Variants in ERICH2 observed in about 807,000 individuals in gnomAD.
ERICH2 encodes the protein glutamate rich 2, also known as glutamate-rich protein 2.
In ERICH2, 17 loss-of-function variants were observed where a neutral mutation model predicts 17.4. That is an observed-to-expected ratio of 0.98 (90% CI 0.67 to 1.47). The LOEUF (loss-of-function observed/expected upper bound fraction) is 1.47. Among genes scored for constraint, ERICH2 ranks in the 40% most tolerant of loss-of-function variants. ERICH2 has a pLI of 0.00. For synonymous variants in ERICH2, 51 were observed against 61.1 expected (o/e 0.83, Z 0.77); for missense variants, 186 against 183.2 (o/e 1.01, Z -0.09).
At chr2:170,796,559 C>G (rs780103549) in intron 3 of ERICH2, among the ~76,000 whole-genome samples, 1 of 151,806 alleles carries the variant, frequency 6.6e-6, no homozygotes, top group Non-Finnish European at 1.5e-5. Flanking sequence ...CCTCGGCCTC[C>G]GAAGGAGCTG....
At chr2:170,783,013 G>A (rs1701066387), upstream of ERICH2, among the ~76,000 whole-genome samples, 1 of 152,102 alleles carries the variant, frequency 6.6e-6, no homozygotes, top group East Asian at 1.9e-4. Context: ...CAGGAGGATT[G>A]CTTGAACCCA....
At chr2:170,776,216 AAC>A in the ERICH2 span, among the ~76,000 whole-genome samples, 1 of 152,214 alleles carries the variant, frequency 6.6e-6, no homozygotes, top group African/African-American at 2.4e-5. Flanking sequence ...TATATTAATA[AAC>A]ACATGAGAAC....
At chr2:170,788,569 T>C (rs946559948) in intron 2 of ERICH2, among the ~76,000 whole-genome samples, 4 of 151,824 alleles carry the variant, frequency 2.6e-5, no homozygotes, top group East Asian at 3.9e-4. Flanking sequence ...CCTCTCGGGT[T>C]CAAGCGATTC....
intron 4 of ERICH2, 64 bp downstream of exon 9, chr2:170,798,176 A>G: frequency 1.8e-6 from 2 of 1,083,256 alleles, no homozygotes; most frequent in East Asian, 5.2e-5. Flanking sequence ...TTAAAAACCC[A>G]TTATCCCGGG....
At chr2:170,781,914 A>G (rs867078461), upstream of ERICH2, among the ~76,000 whole-genome samples, 1 of 152,214 alleles carries the variant, frequency 6.6e-6, no homozygotes, top group Non-Finnish European at 1.5e-5. Flanking sequence ...TTAAAAACTC[A>G]AGGCTAATTT....
chr2:170,784,583 G>C, intron 1 of ERICH2, 63 bp from the exon 7 acceptor site: 2 of 1,023,628 alleles, frequency 2.0e-6, no homozygotes, highest in Non-Finnish European at 2.7e-6. Flanking sequence ...AATAGGATCT[G>C]GCAAAATTTA....
the ERICH2 span, chr2:170,777,732 A>C: frequency 7.9e-6 from 9 of 1,133,558 alleles, no homozygotes; most frequent in Non-Finnish European, 1.0e-5. Context: ...CCTTTTAAGC[A>C]ATTAGAACTA....
At chr2:170,791,645 G>T (rs1345245746) in intron 2 of ERICH2, among the ~76,000 whole-genome samples, 2 of 151,674 alleles carry the variant, frequency 1.3e-5, no homozygotes, top group Non-Finnish European at 2.9e-5. Flanking sequence ...AGCCGAGATC[G>T]CGCCACTGCG....
the ERICH2 span, chr2:170,777,763 C>A: frequency 1.0e-6 from 1 of 958,434 alleles, no homozygotes; most frequent in Non-Finnish European, 1.4e-6. Flanking sequence ...CCATTTGTCA[C>A]CCAATTAAAT....
At chr2:170,777,861 G>GA in the ERICH2 span, 1 of 401,754 alleles carries the variant, frequency 2.5e-6, no homozygotes, top group Non-Finnish European at 4.4e-6. Flanking sequence ...CAGTTAAAAT[G>GA]AAAAATGAAT....
At chr2:170,775,500 G>A in the ERICH2 span, among the ~76,000 whole-genome samples, 1 of 152,032 alleles carries the variant, frequency 6.6e-6, no homozygotes, top group African/African-American at 2.4e-5. Context: ...GGTACCCAGG[G>A]GATTGTGGAA....
At chr2:170,781,003 A>G (rs1490639811), upstream of ERICH2, among the ~76,000 whole-genome samples, 1 of 152,246 alleles carries the variant, frequency 6.6e-6, no homozygotes, top group Non-Finnish European at 1.5e-5. Context: ...GGGCAGAGGC[A>G]GAACAAATGT....
At chr2:170,788,911 C>A (rs1701217648) in intron 2 of ERICH2, among the ~76,000 whole-genome samples, 1 of 151,654 alleles carries the variant, frequency 6.6e-6, no homozygotes, top group Non-Finnish European at 1.5e-5. Context: ...ATAGGAGAGG[C>A]ATAGATATAG....
At chr2:170,783,875 A>T in intron 1 of ERICH2, 1 of 1,550,554 alleles carries the variant, frequency 6.4e-7, no homozygotes, top group South Asian at 1.2e-5. Context: ...AGGTAGACAG[A>T]TGGCCTGAAT....
chr2:170,794,187 A>T (rs1365065538), intron 3 of ERICH2, among the ~76,000 whole-genome samples: 1 of 138,130 alleles, frequency 7.2e-6, no homozygotes, highest in Non-Finnish European at 1.5e-5. Flanking sequence ...GCTCACTGCA[A>T]CCTCTGCCTC....
At chr2:170,780,613 A>AAAT (rs1466825433), upstream of ERICH2, among the ~76,000 whole-genome samples, 4 of 152,218 alleles carry the variant, frequency 2.6e-5, no homozygotes, top group East Asian at 5.8e-4. Flanking sequence ...TAACTCAGTG[A>AAAT]ATATATAAGT....
At chr2:170,780,263 T>C (rs1175241401), upstream of ERICH2, among the ~76,000 whole-genome samples, 1 of 152,184 alleles carries the variant, frequency 6.6e-6, no homozygotes, top group Non-Finnish European at 1.5e-5. Context: ...AGGGGCTTTA[T>C]TACCATAAAT....
intron 2 of ERICH2, among the ~76,000 whole-genome samples, chr2:170,791,044 A>T (rs1701276947): frequency 6.6e-6 from 1 of 152,202 alleles, no homozygotes; most frequent in African/African-American, 2.4e-5. Flanking sequence ...ATGTATCAAG[A>T]GTTGGATATT....
At chr2:170,779,698 G>A (rs904408618), upstream of ERICH2, 27 of 305,046 alleles carry the variant, frequency 8.9e-5, 1 homozygote, top group African/African-American at 5.9e-4. Flanking sequence ...AAAAAAAATT[G>A]TATCTCTAGG....
Sources: allele counts gnomAD v4.1 joint callset (sites outside exome capture counted in the v4.1 genomes callset), GRCh38; gene constraint gnomAD v4.1.1; transcripts MANE v1.5; gene names NCBI Gene and HGNC (gene_info 2026-07-23, HGNC 2026-07-21).